Variants in KIAA1217 observed in about 807,000 individuals in gnomAD.
KIAA1217 encodes the protein KIAA1217.
Under a neutral mutation model 163.9 loss-of-function variants are expected in KIAA1217, and 88 were observed. The ratio of observed to expected loss-of-function variants is 0.54; its 90% CI spans 0.45 to 0.64. The LOEUF (loss-of-function observed/expected upper bound fraction) is 0.64. Ranked by LOEUF, KIAA1217 falls within the 30% of genes least tolerant of loss-of-function variation. The pLI is 0.00. For missense variants in KIAA1217, 2,372 were observed against 2,475.0 expected, an observed-to-expected ratio of 0.96 and a Z score of 0.88; for synonymous variants, 903 against 923.1, an observed-to-expected ratio of 0.98 and a Z score of 0.39.
intron 2 of KIAA1217, among the ~76,000 whole-genome samples, chr10:24,304,637 G>A (rs959163591): frequency 6.6e-6 from 1 of 152,040 alleles, no homozygotes; most frequent in African/African-American, 2.4e-5. Context: ...CCTGACCTTG[G>A]GGTTTTATTA....
chr10:24,114,646 C>T (rs779095340), intron 2 of KIAA1217, among the ~76,000 whole-genome samples: 5 of 152,218 alleles, frequency 3.3e-5, no homozygotes, highest in Non-Finnish European at 7.3e-5. Flanking sequence ...AACAAGTGAA[C>T]ATTCTCACTC....
intron 2 of KIAA1217, among the ~76,000 whole-genome samples, chr10:24,175,212 T>C (rs1438335420): frequency 6.6e-6 from 1 of 152,178 alleles, no homozygotes; most frequent in Non-Finnish European, 1.5e-5. Context: ...TTCCCGAGTC[T>C]TCAAAGTCCA....
chr10:24,544,888 C>T (rs2075547437), intron 19 of KIAA1217, 93 bp from the exon 20 acceptor site: 5 of 1,412,330 alleles, frequency 3.5e-6, no homozygotes, highest in Non-Finnish European at 4.9e-6. Flanking sequence ...GGCTTCTCAC[C>T]TTGAGCTTCT....
At chr10:23,722,123 T>C (rs897143084) in intron 1 of KIAA1217, among the ~76,000 whole-genome samples, 11 of 152,156 alleles carry the variant, frequency 7.2e-5, no homozygotes, top group African/African-American at 2.7e-4. Flanking sequence ...TCCAATGATA[T>C]GAGTTACTTA....
intron 1 of KIAA1217, among the ~76,000 whole-genome samples, chr10:23,726,668 AAT>A (rs1473052144): frequency 6.6e-5 from 10 of 152,186 alleles, no homozygotes; most frequent in African/African-American, 2.4e-4. Flanking sequence ...ACAAAGGGCT[AAT>A]ATCCAGAATC....
intron 1 of KIAA1217, among the ~76,000 whole-genome samples, chr10:23,953,032 C>T (rs2131358580): frequency 6.6e-6 from 1 of 152,296 alleles, no homozygotes; most frequent in East Asian, 1.9e-4. Flanking sequence ...TTGTCTACTT[C>T]CTGAGAGAAG....
intron 1 of KIAA1217, among the ~76,000 whole-genome samples, chr10:23,862,340 A>AT (rs1179110861): frequency 6.6e-6 from 1 of 152,178 alleles, no homozygotes; most frequent in Non-Finnish European, 1.5e-5. Flanking sequence ...TCTAAGTTAA[A>AT]TTTTAAAATA....
chr10:23,864,008 C>CA (rs1311015767), intron 1 of KIAA1217, among the ~76,000 whole-genome samples: 7 of 152,182 alleles, frequency 4.6e-5, no homozygotes, highest in Middle Eastern at 3.4e-3. Flanking sequence ...CTTGTGCCTG[C>CA]ATACAGTATA....
chr10:23,748,409 C>T (rs1397825523), intron 1 of KIAA1217, among the ~76,000 whole-genome samples: 1 of 150,708 alleles, frequency 6.6e-6, no homozygotes, highest in Non-Finnish European at 1.5e-5. Context: ...AGCACAGCCC[C>T]AGCACTAGCA....
intron 1 of KIAA1217, among the ~76,000 whole-genome samples, chr10:23,757,721 T>C (rs1202115190): frequency 1.3e-5 from 2 of 152,148 alleles, no homozygotes; most frequent in East Asian, 3.9e-4. Context: ...TTTCACCATG[T>C]TGGCCAGGCT....
At chr10:23,767,792 A>C (rs1834608357) in intron 1 of KIAA1217, among the ~76,000 whole-genome samples, 1 of 152,040 alleles carries the variant, frequency 6.6e-6, no homozygotes, top group African/African-American at 2.4e-5. Flanking sequence ...CAGAAGGAAA[A>C]ACTCAAGTAA....
intron 2 of KIAA1217, among the ~76,000 whole-genome samples, chr10:24,152,323 T>C (rs78841941): frequency 1.3e-5 from 2 of 152,244 alleles, no homozygotes; most frequent in Non-Finnish European, 2.9e-5. Context: ...CTTATTGTAG[T>C]AAATATCCAC....
chr10:24,395,140 T>G (rs2055542022), intron 3 of KIAA1217, among the ~76,000 whole-genome samples: 1 of 152,136 alleles, frequency 6.6e-6, no homozygotes, highest in Non-Finnish European at 1.5e-5. Flanking sequence ...CAGTCCCCAG[T>G]GGAGAATAGA....
intron 2 of KIAA1217, among the ~76,000 whole-genome samples, chr10:24,035,054 C>T (rs765138220): frequency 1.3e-5 from 2 of 152,110 alleles, no homozygotes; most frequent in African/African-American, 4.8e-5. Context: ...GTGTGGATTG[C>T]GGCCAGACTT....
At chr10:23,939,325 C>G (rs1052200245) in intron 1 of KIAA1217, among the ~76,000 whole-genome samples, 5 of 151,996 alleles carry the variant, frequency 3.3e-5, no homozygotes, top group Non-Finnish European at 5.9e-5. Context: ...AATCAACAAT[C>G]CCTATACGGG....
At chr10:23,712,745 A>G (rs1837339751) in intron 1 of KIAA1217, among the ~76,000 whole-genome samples, 1 of 152,144 alleles carries the variant, frequency 6.6e-6, no homozygotes, top group African/African-American at 2.4e-5. Context: ...TTTTTAATAC[A>G]GGATAAAGTT....
intron 2 of KIAA1217, among the ~76,000 whole-genome samples, chr10:24,131,002 A>G: frequency 6.6e-6 from 1 of 152,310 alleles, no homozygotes; most frequent in African/African-American, 2.4e-5. Context: ...TTCTTCCTCC[A>G]GGGGGAATAA....
chr10:23,933,703 A>G (rs1843349742), intron 1 of KIAA1217, among the ~76,000 whole-genome samples: 1 of 152,136 alleles, frequency 6.6e-6, no homozygotes, highest in Admixed American at 6.6e-5. Context: ...AAAGAAAAAA[A>G]AATCCCATCA....
At chr10:23,812,623 A>T (rs1837122645) in intron 1 of KIAA1217, among the ~76,000 whole-genome samples, 1 of 152,096 alleles carries the variant, frequency 6.6e-6, no homozygotes. Flanking sequence ...ACCACCATCA[A>T]TCTTAGAACA....
Sources: allele counts gnomAD v4.1 joint callset (sites outside exome capture counted in the v4.1 genomes callset), GRCh38; gene constraint gnomAD v4.1.1; transcripts MANE v1.5; gene names NCBI Gene and HGNC (gene_info 2026-07-23, HGNC 2026-07-21).